GRID2: variants seen among roughly 807,000 people sequenced by gnomAD.
GRID2 encodes the protein glutamate ionotropic receptor delta type subunit 2.
A neutral mutation model predicts 114.8 loss-of-function variants in GRID2; 33 were observed. That is an observed-to-expected ratio of 0.29 (90% CI 0.22 to 0.38). GRID2 has a LOEUF of 0.38. Among genes scored for constraint, GRID2 ranks in the 10% least tolerant of loss-of-function variants. The probability of loss-of-function intolerance (pLI) is 1.00; values close to 1 mark genes in which losing one functional copy is unlikely to be tolerated. For synonymous variants in GRID2, 505 were observed against 449.9 expected (o/e 1.12, Z -1.55); for missense variants, 1,184 against 1,257.7 (o/e 0.94, Z 0.89).
At chr4:93,245,307 G>C (rs115489012) in intron 8 of GRID2, among the ~76,000 whole-genome samples, 2,188 of 152,084 alleles carry the variant, frequency 0.014, 49 homozygotes, top group African/African-American at 0.048. Flanking sequence ...TAGCAGCCTT[G>C]TTTTTCTTCT....
At chr4:92,762,071 C>A (rs1006780558) in intron 2 of GRID2, among the ~76,000 whole-genome samples, 1 of 151,916 alleles carries the variant, frequency 6.6e-6, no homozygotes, top group African/African-American at 2.4e-5. Context: ...TGTACCACCA[C>A]ACCCAGCTAT....
At chr4:93,606,030 GC>G (rs1391564224) in intron 13 of GRID2, among the ~76,000 whole-genome samples, 1 of 152,194 alleles carries the variant, frequency 6.6e-6, no homozygotes, top group Non-Finnish European at 1.5e-5. Context: ...TCTTTGGGAG[GC>G]AGAGGTAGCT....
chr4:93,180,274 A>G (rs1026825467), intron 4 of GRID2, among the ~76,000 whole-genome samples: 2 of 152,108 alleles, frequency 1.3e-5, no homozygotes, highest in Non-Finnish European at 2.9e-5. Context: ...TTTGCACTAT[A>G]CTGTAGCATA....
intron 14 of GRID2, among the ~76,000 whole-genome samples, chr4:93,722,724 C>T (rs1729492177): frequency 6.6e-6 from 1 of 152,210 alleles, no homozygotes; most frequent in African/African-American, 2.4e-5. Context: ...TCCATCTCCA[C>T]TGTTATAACC....
intron 13 of GRID2, among the ~76,000 whole-genome samples, chr4:93,528,324 T>C (rs1731121868): frequency 6.6e-6 from 1 of 152,182 alleles, no homozygotes; most frequent in Admixed American, 6.6e-5. Flanking sequence ...GAAATGGCAA[T>C]TCTAGTTTTA....
intron 9 of GRID2, among the ~76,000 whole-genome samples, chr4:93,410,862 C>T (rs140318939): frequency 9.9e-4 from 151 of 152,306 alleles, no homozygotes; most frequent in Non-Finnish European, 1.4e-3. Flanking sequence ...GGATAACAGG[C>T]GTGAGCCACA....
intron 1 of GRID2, among the ~76,000 whole-genome samples, chr4:92,584,683 A>G (rs372021581): frequency 3.3e-5 from 5 of 152,044 alleles, no homozygotes; most frequent in African/African-American, 1.2e-4. Flanking sequence ...TTATAGTACT[A>G]TTTATTGAAT....
chr4:92,930,396 T>C (rs1014029386), intron 2 of GRID2, among the ~76,000 whole-genome samples: 3 of 151,256 alleles, frequency 2.0e-5, no homozygotes, highest in Non-Finnish European at 4.5e-5. Context: ...GTTCAATTTA[T>C]TTTAATTTAT....
intron 13 of GRID2, among the ~76,000 whole-genome samples, chr4:93,547,235 A>G (rs1400850590): frequency 6.6e-6 from 1 of 152,312 alleles, no homozygotes; most frequent in African/African-American, 2.4e-5. Flanking sequence ...ATATTATTAC[A>G]AAAATATTTT....
intron 11 of GRID2, among the ~76,000 whole-genome samples, chr4:93,482,859 G>A (rs2149448838): frequency 6.6e-6 from 1 of 151,924 alleles, no homozygotes; most frequent in South Asian, 2.1e-4. Flanking sequence ...ACCCTAGCTT[G>A]CAAATGGGTT....
chr4:93,232,813 G>T (rs543283797), intron 7 of GRID2, among the ~76,000 whole-genome samples: 2 of 151,986 alleles, frequency 1.3e-5, no homozygotes, highest in South Asian at 2.1e-4. Flanking sequence ...TTTTTGAAAT[G>T]ATAAAAATAT....
intron 4 of GRID2, among the ~76,000 whole-genome samples, chr4:93,153,329 T>G (rs1485949639): frequency 6.6e-6 from 1 of 152,052 alleles, no homozygotes; most frequent in African/African-American, 2.4e-5. Context: ...GAGCATTGAA[T>G]CGGACTTTCA....
Position 93,157,238 on chromosome 4 carries a change from G to A in GRID2, c.735+46285G>A, listed in dbSNP as rs547126546. 1.3e-4 allele frequency among the ~76,000 whole-genome samples: 19 copies of A among 151,558 alleles called. No individual in the cohort carries two copies. The East Asian group carries it at 3.1e-3, about 25-fold the overall frequency. On this transcript the variant is annotated intron_variant, in intron 4 of 15. Transcript: ENST00000282020. ...GATGCCTACATTATTTGTGAGACTC[G>A]AAACACCCTGAAAATGTAGGCTCCC...
At chr4:92,434,653 T>C (rs1732642296) in intron 1 of GRID2, among the ~76,000 whole-genome samples, 1 of 152,276 alleles carries the variant, frequency 6.6e-6, no homozygotes, top group South Asian at 2.1e-4. Context: ...TTATTTAATT[T>C]TCACATATAT....
chr4:93,083,387 G>A (rs1033929108), intron 2 of GRID2, among the ~76,000 whole-genome samples: 1 of 151,968 alleles, frequency 6.6e-6, no homozygotes, highest in Non-Finnish European at 1.5e-5. Context: ...ACCTCACAAT[G>A]TTATGGTCTA....
intron 10 of GRID2, among the ~76,000 whole-genome samples, chr4:93,435,460 A>G (rs768568022): frequency 4.6e-5 from 7 of 152,136 alleles, no homozygotes; most frequent in Non-Finnish European, 7.4e-5. Context: ...AGCTACTCTC[A>G]CTTTACTTCA....
intron 8 of GRID2, among the ~76,000 whole-genome samples, chr4:93,355,020 C>CATT: frequency 6.6e-6 from 1 of 151,078 alleles, no homozygotes; most frequent in Non-Finnish European, 1.5e-5. Context: ...CAATTATTGT[C>CATT]ATTATTATTA....
At chr4:93,252,737 T>A (rs993929473) in intron 8 of GRID2, among the ~76,000 whole-genome samples, 4 of 152,134 alleles carry the variant, frequency 2.6e-5, no homozygotes, top group African/African-American at 9.7e-5. Flanking sequence ...TCATCTCTGA[T>A]TTCCTTGAGC....
chr4:92,530,096 T>C (rs1725255581), intron 1 of GRID2, among the ~76,000 whole-genome samples: 1 of 151,800 alleles, frequency 6.6e-6, no homozygotes, highest in Non-Finnish European at 1.5e-5. Flanking sequence ...ATCCTAACTT[T>C]ACTCTAGGTA....
Sources: gnomAD v4.1 joint callset for allele counts (sites outside exome capture counted in the v4.1 genomes callset) on GRCh38, gnomAD v4.1.1 for gene constraint, MANE v1.5 for transcripts, NCBI Gene and HGNC (gene_info 2026-07-23, HGNC 2026-07-21) for gene names.